ADGRD1: variants seen among roughly 807,000 people sequenced by gnomAD.
ADGRD1 encodes the protein G-protein coupled receptor 133.
A neutral mutation model predicts 113.4 loss-of-function variants in ADGRD1; 77 were observed. The ratio of observed to expected loss-of-function variants is 0.68; its 90% CI spans 0.57 to 0.82. The LOEUF (loss-of-function observed/expected upper bound fraction) is 0.82, where lower values mean the gene tolerates loss of function less well. Among genes scored for constraint, ADGRD1 ranks in the 40% least tolerant of loss-of-function variants. The pLI, the probability that ADGRD1 is intolerant of heterozygous loss-of-function variation, is 0.00. For synonymous variants in ADGRD1, 474 were observed against 475.0 expected (o/e 1.00, Z 0.03); for missense variants, 1,036 against 1,139.1 (o/e 0.91, Z 1.30).
rs183180526 is a variant in ADGRD1 at position 131,014,551 on chromosome 12, C to T, written c.1473+211C>T. 1.8e-3 allele frequency among the ~76,000 whole-genome samples: 273 copies of T among 152,280 alleles called. 1 individual carries two copies. Among genetic ancestry groups the T allele is most frequent in the African/African-American group, 5.8e-3 (243 of 41,556 alleles). The stretch of plus-strand genomic sequence containing the variant: ...TCGCATAGTGCCTGGGCTGGCCACG[C>T]GGTGTCGATGTTGGGGAAGAGGCGT... On this transcript the variant is annotated intron_variant, in intron 13 of 24. Coordinates refer to ENST00000261654, the MANE Select transcript of ADGRD1 (RefSeq NM_198827.5).
At chr12:131,120,959 C>T (rs1326942056) in intron 20 of ADGRD1, 46 bp downstream of exon 20, 2 of 1,559,642 alleles carry the variant, frequency 1.3e-6, no homozygotes, top group Admixed American at 3.4e-5. Flanking sequence ...TGGGGAGGGG[C>T]AGGAGGAGAG....
chr12:131,042,980 GCCC>G (rs1882295972), intron 13 of ADGRD1, among the ~76,000 whole-genome samples: 1 of 152,220 alleles, frequency 6.6e-6, no homozygotes, highest in Non-Finnish European at 1.5e-5. Flanking sequence ...GGCCCTCCCC[GCCC>G]TGCGGCCCTG....
intron 2 of ADGRD1, among the ~76,000 whole-genome samples, chr12:130,955,064 A>G (rs981216660): frequency 3.3e-5 from 5 of 149,622 alleles, no homozygotes; most frequent in African/African-American, 9.9e-5. Context: ...GGTTCAAGCA[A>G]TTCTCCTGCC....
chr12:131,004,810 G>C (rs1353330097), intron 11 of ADGRD1, among the ~76,000 whole-genome samples: 2 of 152,198 alleles, frequency 1.3e-5, no homozygotes, highest in East Asian at 3.9e-4. Flanking sequence ...AAAAATGAGA[G>C]GCTCAGGGGA....
chr12:130,970,377 C>G (rs1386156472), intron 3 of ADGRD1: 1 of 152,170 alleles, frequency 6.6e-6, no homozygotes, highest in Non-Finnish European at 1.5e-5. Context: ...ACTAGTGATC[C>G]ATTTAACCTT....
chr12:131,037,988 C>T (rs1212949233), intron 13 of ADGRD1, among the ~76,000 whole-genome samples: 1 of 151,614 alleles, frequency 6.6e-6, no homozygotes, highest in Non-Finnish European at 1.5e-5. Context: ...CTGGGTCTTA[C>T]TCACTGCACT....
chr12:131,043,405 C>G lies in ADGRD1; in HGVS notation c.1473+29065C>G, dbSNP rs573193714. Among the ~76,000 whole-genome samples, 11 of 152,362 alleles carry G rather than the reference C, an allele frequency of 7.2e-5. No individual in the cohort carries two copies. In the South Asian group the frequency reaches 1.9e-3, roughly 26 times the overall value. On this transcript the variant is annotated intron_variant, in intron 13 of 24. Coordinates refer to ENST00000261654, the MANE Select transcript of ADGRD1 (RefSeq NM_198827.5). ...CTGGACTGACAGGGGTGAAAACCAT[C>G]CCTTTGGGTGCATACCAGCTCTGGG...
chr12:130,985,243 T>G (rs1236124208), intron 5 of ADGRD1, among the ~76,000 whole-genome samples: 4 of 152,180 alleles, frequency 2.6e-5, no homozygotes, highest in African/African-American at 7.2e-5. Context: ...TAAGAGTTTT[T>G]GGGTGTATTT....
chr12:131,014,214 G>A lies in ADGRD1; in HGVS notation c.1347G>A (p.Met449Ile). 6.2e-7 allele frequency: 1 copy of A among 1,614,078 alleles called. No individual in the cohort carries two copies. Among genetic ancestry groups the A allele is most frequent in the Non-Finnish European group, 8.5e-7 (1 of 1,179,988 alleles). Residue 449 changes from methionine (M) to isoleucine (I), a missense_variant, in exon 13 of 25, where the codon ATG becomes ATA. Coordinates refer to ENST00000261654, the MANE Select transcript of ADGRD1 (RefSeq NM_198827.5). ...TCTTCCCAAGGATCGCGGAGGCCAT[G>A]CATCACCAGGACTGCCTGCTGTTCG... ...WPAHTKIAEA[M>I]HHQDCLLFAT...
At position 131,139,150 on chromosome 12, in the gene ADGRD1, T is replaced by C. The variant is rs760237194; in HGVS notation, c.2530-18T>C. 1 of 1,605,530 alleles carries C rather than the reference T, an allele frequency of 6.2e-7. No homozygotes were observed. Among genetic ancestry groups the C allele is most frequent in the Non-Finnish European group, 8.5e-7 (1 of 1,173,394 alleles). On this transcript the variant is annotated intron_variant, in intron 24 of 24. Transcript: ENST00000261654. The stretch of plus-strand genomic sequence containing the variant: ...CTGGGAGCAGGCCCTTCACTGCTCA[T>C]CCCTTTATGCTTTGCAGATGAATGG...
intron 13 of ADGRD1, among the ~76,000 whole-genome samples, chr12:131,048,483 A>T (rs989425418): frequency 6.6e-6 from 1 of 151,956 alleles, no homozygotes; most frequent in Non-Finnish European, 1.5e-5. Context: ...CCCGGGTTTG[A>T]GCCCACAGCC....
rs74856520 is a variant in ADGRD1 at position 130,981,408 on chromosome 12, T to C, written c.311-476T>C. On this transcript the variant is annotated intron_variant, in intron 4 of 24. Transcript: ENST00000261654. ...TTATAAACCAGTGTGCCTGAGATGG[T>C]TCGTGTCTTTGTAAAATCTATTTAT... 1,122 of 152,722 alleles carry C rather than the reference T, an allele frequency of 7.3e-3. 19 individuals are homozygous for C. The highest frequency in any genetic ancestry group is 0.026 in the African/African-American group (1,062 of 41,548). 9.5% of individuals were successfully genotyped at this position (152,722 alleles called of 1,614,324 possible).
intron 13 of ADGRD1, among the ~76,000 whole-genome samples, chr12:131,059,117 A>T (rs1593138770): frequency 6.6e-6 from 1 of 152,070 alleles, no homozygotes; most frequent in East Asian, 1.9e-4. Flanking sequence ...CCTTCTGTCC[A>T]CTACTCTTTC....
chr12:131,131,842 G>T lies in ADGRD1; in HGVS notation c.2267+26G>T. 11 of 1,432,182 alleles carry T rather than the reference G, an allele frequency of 7.7e-6. 1 individual carries two copies. The highest frequency in any genetic ancestry group is 9.9e-6 in the Non-Finnish European group (10 of 1,013,682). 88.7% of individuals were successfully genotyped at this position (1,432,182 alleles called of 1,614,324 possible). A position where few individuals can be genotyped will look rare whatever the true frequency, so the allele number is the denominator to read the frequency against. On this transcript the variant is annotated intron_variant, in intron 21 of 24. Coordinates refer to ENST00000261654, the MANE Select transcript of ADGRD1 (RefSeq NM_198827.5). ...GTAAGTTGACCTCAGGCTGCCAGCA[G>T]TGCCACGGCCCTTCTGCCCCCAGAG...
At chr12:131,138,114 A>G in intron 23 of ADGRD1, 23 bp from the exon 24 acceptor site, 3 of 1,608,554 alleles carry the variant, frequency 1.9e-6, no homozygotes, top group Non-Finnish European at 1.7e-6. Context: ...AATTGCTCTC[A>G]CGATCCCTTC....
chr12:131,113,267 C>CT lies in ADGRD1; in HGVS notation c.2041+4400dup, dbSNP rs5801954. Among the ~76,000 whole-genome samples, 24,802 of 150,586 alleles carry CT rather than the reference C, an allele frequency of 0.16. 3,240 individuals carry two copies. The highest frequency in any genetic ancestry group is 0.64 in the East Asian group (3,262 of 5,100). ...CTTTAAATGATTATGTTTTTTAAAA[C>CT]TTTTTTTTTTCAGTGATAGCTGTCT... On this transcript the variant is annotated intron_variant, in intron 18 of 24. Coordinates refer to ENST00000261654, the MANE Select transcript of ADGRD1 (RefSeq NM_198827.5). This position sits in a 1 kb window ranked among gnomAD's most constrained non-coding sequence, Gnocchi z 4.9.
intron 13 of ADGRD1, among the ~76,000 whole-genome samples, chr12:131,049,843 C>G (rs575410766): frequency 6.6e-6 from 1 of 152,088 alleles, no homozygotes; most frequent in African/African-American, 2.4e-5. Flanking sequence ...GAGTGGGGTC[C>G]GTGGGGGACT....
At chr12:131,128,968 C>T (rs1464977887) in intron 20 of ADGRD1, among the ~76,000 whole-genome samples, 2 of 136,264 alleles carry the variant, frequency 1.5e-5, no homozygotes, top group South Asian at 4.9e-4. Flanking sequence ...ACAGGCCGGC[C>T]CTCCTGTCTG....
rs762237297 is a variant in ADGRD1, at chr12:131,131,735, G to A, written c.2186G>A (p.Gly729Asp). 3.7e-6 allele frequency: 6 copies of A among 1,608,474 alleles called. No homozygotes were observed. Among genetic ancestry groups the A allele is most frequent in the Non-Finnish European group, 5.1e-6 (6 of 1,176,994 alleles). The change falls in exon 21 of 25, where the codon GGC becomes GAC. Residue 729 changes from glycine (G) to aspartate (D), a missense_variant. By Grantham distance (94) the Gly-to-Asp change is moderately conservative. Coordinates refer to ENST00000261654, the MANE Select transcript of ADGRD1 (RefSeq NM_198827.5). ...TGGTTTCTTGTGCAGGTCAACATTG[G>A]CATCCTCATCGCTGTGACCAGAGTC... ...PALFVIVVNIGILIAVTRVIS... is the reference protein window; with the variant it reads ...PALFVIVVNIDILIAVTRVIS...
Sources: gnomAD v4.1 joint callset for allele counts (sites outside exome capture counted in the v4.1 genomes callset) on GRCh38, gnomAD v4.1.1 for gene constraint, Gnocchi (gnomAD v3.1) non-coding constraint, MANE v1.5 for transcripts, NCBI Gene and HGNC (gene_info 2026-07-23, HGNC 2026-07-21) for gene names.